Variants in ANKS1B observed in about 807,000 individuals in gnomAD.
ANKS1B encodes ankyrin repeat and sterile alpha motif domain containing 1B.
In ANKS1B, 36 loss-of-function variants were observed where a neutral mutation model predicts 148.3. The observed-to-expected ratio is 0.24, with a 90% confidence interval of 0.19 to 0.32. The LOEUF (loss-of-function observed/expected upper bound fraction) is 0.32. Among genes scored for constraint, ANKS1B ranks in the 10% least tolerant of loss-of-function variants. The probability of loss-of-function intolerance (pLI) is 1.00; values close to 1 mark genes in which losing one functional copy is unlikely to be tolerated. For synonymous variants in ANKS1B, 542 were observed against 560.8 expected (o/e 0.97, Z 0.47); for missense variants, 1,157 against 1,542.6 (o/e 0.75, Z 4.19).
chr12:99,339,801 T>C (rs940219146), intron 12 of ANKS1B, among the ~76,000 whole-genome samples: 5 of 152,124 alleles, frequency 3.3e-5, no homozygotes, highest in African/African-American at 4.8e-5. Context: ...TTGACAGTAA[T>C]CCTAGATCCA....
intron 4 of ANKS1B, among the ~76,000 whole-genome samples, chr12:99,800,504 G>A (rs1331145812): frequency 6.6e-6 from 1 of 151,054 alleles, no homozygotes; most frequent in Non-Finnish European, 1.5e-5. Context: ...TTAGGTCTTG[G>A]ACTATGGTGT....
In ANKS1B at chr12:99,954,615, GCC is replaced by G. The variant is rs1189275531; in HGVS notation, c.134+29487_134+29488del. On this transcript the variant is annotated intron_variant, in intron 1 of 26. Transcript: ENST00000683438. ...TACGGAGCCATTCATTATCACTGTT[GCC>G]TTCACCCTTTCCTTAGCTAACAGCA... Among the ~76,000 whole-genome samples the G allele has an allele frequency of 8.7e-3, 1,331 of 152,196 alleles. 24 individuals carry two copies. Among genetic ancestry groups the G allele is most frequent in the African/African-American group, 0.03 (1,265 of 41,502 alleles).
chr12:98,870,600 C>T (rs899201448), intron 17 of ANKS1B, among the ~76,000 whole-genome samples: 5 of 152,212 alleles, frequency 3.3e-5, no homozygotes, highest in African/African-American at 1.2e-4. Flanking sequence ...CCTGCTATTC[C>T]ACCTCATCCA....
chr12:99,334,143 T>C (rs1202762938), intron 12 of ANKS1B, among the ~76,000 whole-genome samples: 3 of 150,748 alleles, frequency 2.0e-5, no homozygotes, highest in African/African-American at 7.4e-5. Context: ...GATAGATAGA[T>C]AGATAGATAG....
chr12:99,463,688 C>A (rs11109854), intron 10 of ANKS1B, among the ~76,000 whole-genome samples: 7,257 of 152,246 alleles, frequency 0.048, 587 homozygotes, highest in African/African-American at 0.17. Context: ...TCACTGATTG[C>A]TAGCACAGCA....
chr12:99,193,790 GTTCTT>G (rs2081043499), intron 14 of ANKS1B, among the ~76,000 whole-genome samples: 1 of 87,108 alleles, frequency 1.1e-5, no homozygotes, highest in African/African-American at 3.4e-5. Context: ...TGTATTTCTA[GTTCTT>G]TTTTTTTTTT....
At chr12:99,939,489 C>T (rs1566042447) in intron 1 of ANKS1B, among the ~76,000 whole-genome samples, 1 of 152,086 alleles carries the variant, frequency 6.6e-6, no homozygotes, top group African/African-American at 2.4e-5. Flanking sequence ...CCCCAGCCTT[C>T]GAAAGTGCTG....
intron 17 of ANKS1B, among the ~76,000 whole-genome samples, chr12:98,919,866 A>G (rs931258819): frequency 4.6e-5 from 7 of 152,172 alleles, no homozygotes; most frequent in Admixed American, 4.6e-4. Context: ...TCCAGAGACT[A>G]GCAAAAGGCA....
At chr12:99,547,012 A>G (rs2097178094) in intron 9 of ANKS1B, among the ~76,000 whole-genome samples, 1 of 152,130 alleles carries the variant, frequency 6.6e-6, no homozygotes, top group African/African-American at 2.4e-5. Context: ...AGATCCCTAC[A>G]GCAGTGGGAC....
intron 9 of ANKS1B, among the ~76,000 whole-genome samples, chr12:99,604,941 T>C (rs897905463): frequency 1.3e-5 from 2 of 151,828 alleles, no homozygotes; most frequent in African/African-American, 4.8e-5. Flanking sequence ...AATCAAAGAC[T>C]AATATGTGAC....
In ANKS1B at chr12:99,371,590, T is replaced by TGA. The variant is rs550140765; in HGVS notation, c.1756+28039_1756+28040dup. On this transcript the variant is annotated intron_variant, in intron 12 of 26. Coordinates refer to ENST00000683438, the MANE Select transcript of ANKS1B (RefSeq NM_001352186.2). ...CACACACACACACACATATACATACTGAGAGAGAGAGAGAGAATTTACTGG... is the reference window on the plus strand; with the variant it reads ...CACACACACACACACATATACATACTGAGAGAGAGAGAGAGAGAATTTACTGG... Among the ~76,000 whole-genome samples, 6 of 150,954 alleles carry TGA rather than the reference T, an allele frequency of 4.0e-5. No individual in the cohort carries two copies. The South Asian group carries it at 6.3e-4, about 16-fold the overall frequency.
chr12:99,720,935 AATC>A (rs2058024837), intron 8 of ANKS1B, among the ~76,000 whole-genome samples: 1 of 152,126 alleles, frequency 6.6e-6, no homozygotes, highest in East Asian at 1.9e-4. Context: ...GTAAATAAAT[AATC>A]TTTGCTGGCA....
At chr12:99,939,613 G>A (rs762229967) in intron 1 of ANKS1B, among the ~76,000 whole-genome samples, 2 of 152,134 alleles carry the variant, frequency 1.3e-5, no homozygotes, top group Non-Finnish European at 2.9e-5. Context: ...CATAAGGAAT[G>A]AAAGTGATGT....
intron 14 of ANKS1B, among the ~76,000 whole-genome samples, chr12:99,228,952 C>T (rs1393968757): frequency 2.0e-5 from 3 of 151,682 alleles, no homozygotes; most frequent in Non-Finnish European, 3.0e-5. Flanking sequence ...ATTTTATTTG[C>T]TTACCATTAT....
intron 8 of ANKS1B, among the ~76,000 whole-genome samples, chr12:99,724,112 C>T (rs1226356922): frequency 6.6e-6 from 1 of 151,616 alleles, no homozygotes; most frequent in African/African-American, 2.4e-5. Flanking sequence ...CAAATGATTG[C>T]AATGCCGCTC....
intron 11 of ANKS1B, among the ~76,000 whole-genome samples, chr12:99,403,972 T>C (rs1006125071): frequency 6.8e-6 from 1 of 146,290 alleles, no homozygotes; most frequent in African/African-American, 2.6e-5. Context: ...GGATATAATA[T>C]ATAGCATGGA....
intron 22 of ANKS1B, among the ~76,000 whole-genome samples, chr12:98,785,393 C>T (rs2098782399): frequency 6.6e-6 from 1 of 152,136 alleles, no homozygotes; most frequent in South Asian, 2.1e-4. Context: ...TCACTTGAAC[C>T]CAGGAGGCAG....
chr12:99,984,134 G>A lies in ANKS1B; in HGVS notation c.104C>T (p.Ser35Phe). The change falls in exon 1 of 27, where the codon TCC (serine) becomes TTC (phenylalanine). Residue 35 changes from serine to phenylalanine, a missense_variant. Ser to Phe is a radical substitution (Grantham distance 155). Around this residue, in one of 6 missense-constraint regions of ANKS1B, gnomAD observed 164 missense variants for 232.6 expected, o/e 0.71. Coordinates refer to ENST00000683438, the MANE Select transcript of ANKS1B (RefSeq NM_001352186.2). ...GRKGGILGGG[S>F]GPLPLSNLLS... ...CAGATTAGACAGGGGCAGGGGTCCG[G>A]ATCCACCGCCCAGGATCCCTCCTTT... 1 of 1,613,760 alleles carries A rather than the reference G, an allele frequency of 6.2e-7. No homozygotes were observed. The highest frequency in any genetic ancestry group is 8.5e-7 in the Non-Finnish European group (1 of 1,179,766).
intron 8 of ANKS1B, among the ~76,000 whole-genome samples, chr12:99,716,375 C>T (rs1396586207): frequency 6.6e-6 from 1 of 151,828 alleles, no homozygotes. Flanking sequence ...ACCTCCGAAC[C>T]TCTTCCCTCC....
Sources: gnomAD v4.1 joint callset for allele counts (sites outside exome capture counted in the v4.1 genomes callset) on GRCh38, gnomAD v4.1.1 for gene constraint, gnomAD v4.1.1 regional missense constraint, MANE v1.5 for transcripts, NCBI Gene and HGNC (gene_info 2026-07-23, HGNC 2026-07-21) for gene names.